Variants in CSMD1 observed in about 807,000 individuals in gnomAD.
The protein encoded by CSMD1 is CUB and sushi domain-containing protein 1.
CSMD1 carries 213 observed loss-of-function variants against 417.5 expected under a neutral mutation model. That is an observed-to-expected ratio of 0.51 (90% CI 0.46 to 0.57). The LOEUF (loss-of-function observed/expected upper bound fraction) is 0.57. Ranked by LOEUF, CSMD1 falls within the 20% of genes least tolerant of loss-of-function variation. The probability of loss-of-function intolerance (pLI) is 0.00; values close to 1 mark genes in which losing one functional copy is unlikely to be tolerated. For missense variants in CSMD1, 6,923 were observed against 4,529.7 expected (o/e 1.53, Z -15.17); for synonymous variants, 2,862 against 1,736.8 (o/e 1.65, Z -16.11).
intron 41 of CSMD1, among the ~76,000 whole-genome samples, chr8:3,132,931 A>T (rs1219478792): frequency 6.6e-6 from 1 of 152,224 alleles, no homozygotes; most frequent in East Asian, 1.9e-4. Flanking sequence ...CTAAGTGGGA[A>T]GACCCTCCTT....
At chr8:3,500,393 A>C (rs1013694255) in intron 10 of CSMD1, among the ~76,000 whole-genome samples, 2 of 152,180 alleles carry the variant, frequency 1.3e-5, no homozygotes, top group Non-Finnish European at 2.9e-5. Context: ...AGAAAAAAAC[A>C]GTATGGAGCT....
chr8:4,514,878 A>G (rs974711235), intron 2 of CSMD1, among the ~76,000 whole-genome samples: 3 of 152,188 alleles, frequency 2.0e-5, no homozygotes, highest in African/African-American at 7.2e-5. Context: ...ATAAACAACC[A>G]CACCAAAAAC....
intron 12 of CSMD1, among the ~76,000 whole-genome samples, chr8:3,460,255 G>C (rs1435478177): frequency 2.0e-5 from 3 of 152,280 alleles, no homozygotes; most frequent in African/African-American, 7.2e-5. Flanking sequence ...ATAGAAGAAT[G>C]ATCCTTGTTG....
At chr8:2,964,725 A>G (rs1391724121) in intron 59 of CSMD1, among the ~76,000 whole-genome samples, 1 of 152,230 alleles carries the variant, frequency 6.6e-6, no homozygotes, top group Non-Finnish European at 1.5e-5. Context: ...CAGTATTAAG[A>G]GTTACAATAC....
intron 1 of CSMD1, among the ~76,000 whole-genome samples, chr8:4,674,374 G>A (rs535534206): frequency 1.3e-5 from 2 of 152,218 alleles, no homozygotes; most frequent in South Asian, 4.1e-4. Context: ...TGCCAGGATA[G>A]GTTGAAAAAA....
At chr8:4,984,264 T>A (rs1021406984) in intron 1 of CSMD1, among the ~76,000 whole-genome samples, 1 of 152,202 alleles carries the variant, frequency 6.6e-6, no homozygotes, top group African/African-American at 2.4e-5. Flanking sequence ...TAGCTTCCAA[T>A]AAGTAGATGA....
chr8:3,841,375 C>G (rs1271576294), intron 5 of CSMD1, among the ~76,000 whole-genome samples: 1 of 152,114 alleles, frequency 6.6e-6, no homozygotes, highest in Non-Finnish European at 1.5e-5. Flanking sequence ...TTATGTGGTT[C>G]TCAACCTCAA....
At chr8:3,372,893 A>G (rs140566850) in intron 18 of CSMD1, among the ~76,000 whole-genome samples, 57 of 152,284 alleles carry the variant, frequency 3.7e-4, no homozygotes, top group African/African-American at 1.2e-3. Flanking sequence ...ATGCCAGCGC[A>G]CCGCGTAGTG....
At chr8:4,525,776 G>A (rs1409783323) in intron 2 of CSMD1, among the ~76,000 whole-genome samples, 2 of 152,178 alleles carry the variant, frequency 1.3e-5, no homozygotes, top group Non-Finnish European at 2.9e-5. Flanking sequence ...TCAATAGCCA[G>A]CATTCCACAC....
chr8:3,936,424 G>A (rs1288629304), intron 5 of CSMD1, among the ~76,000 whole-genome samples: 1 of 152,156 alleles, frequency 6.6e-6, no homozygotes, highest in Non-Finnish European at 1.5e-5. Flanking sequence ...CAGAAGACAG[G>A]CTGACTCTCT....
chr8:4,362,213 C>G lies in CSMD1; in HGVS notation c.415+57740G>C, dbSNP rs114656524. Among the ~76,000 whole-genome samples, 733 of 152,218 alleles carry G rather than the reference C, an allele frequency of 4.8e-3. 7 individuals carry two copies. Among genetic ancestry groups the G allele is most frequent in the African/African-American group, 0.016 (675 of 41,522 alleles). The stretch of plus-strand genomic sequence containing the variant: ...ATTACATCTGTATTTTCCAAAGGAT[C>G]CTGGGAGATTTTAACAAAAGACTTG... On this transcript the variant is annotated intron_variant, in intron 3 of 69. Transcript: ENST00000635120.
intron 1 of CSMD1, among the ~76,000 whole-genome samples, chr8:4,680,354 G>A (rs116289961): frequency 2.6e-5 from 4 of 152,150 alleles, no homozygotes; most frequent in East Asian, 1.9e-4. Flanking sequence ...ATTCAACCTC[G>A]TATCTTTCCC....
chr8:4,589,628 C>T (rs1799886743), intron 2 of CSMD1, among the ~76,000 whole-genome samples: 1 of 152,144 alleles, frequency 6.6e-6, no homozygotes, highest in East Asian at 1.9e-4. Flanking sequence ...GTTCATTCTA[C>T]AATACTATTA....
Position 4,445,809 on chromosome 8 carries a change from G to A in CSMD1, c.303-25744C>T, listed in dbSNP as rs549006028. On this transcript the variant is annotated intron_variant, in intron 2 of 69. Transcript: ENST00000635120. ...AATGTGTCAGAAATAGATGATTAACGAGAATGTTTAAATTGCCTACTTAGT... is the reference window on the plus strand; with the variant it reads ...AATGTGTCAGAAATAGATGATTAACAAGAATGTTTAAATTGCCTACTTAGT... Among the ~76,000 whole-genome samples the A allele has an allele frequency of 5.3e-5, 8 of 152,292 alleles. No individual in the cohort carries two copies. In the East Asian group the frequency reaches 9.7e-4, roughly 18 times the overall value.
chr8:3,454,317 A>C (rs976861512), intron 12 of CSMD1, among the ~76,000 whole-genome samples: 5 of 152,120 alleles, frequency 3.3e-5, no homozygotes, highest in African/African-American at 1.2e-4. Flanking sequence ...TTTACATTTA[A>C]GGTTAATATT....
Position 4,890,518 on chromosome 8 carries a change from G to A in CSMD1, c.85+103814C>T, listed in dbSNP as rs189915168. Among the ~76,000 whole-genome samples the A allele has an allele frequency of 8.6e-5, 13 of 151,666 alleles. No individual in the cohort carries two copies. In the East Asian group the frequency reaches 2.0e-3, roughly 23 times the overall value. On this transcript the variant is annotated intron_variant, in intron 1 of 69. Coordinates refer to ENST00000635120, the MANE Select transcript of CSMD1 (RefSeq NM_033225.6). ...CATGGGTATCCTGGGCAGGACAGGT[G>A]AGAGCGTGACTCTGACACCCTCCTC...
At chr8:4,050,626 G>A (rs1439532288) in intron 3 of CSMD1, among the ~76,000 whole-genome samples, 4 of 151,822 alleles carry the variant, frequency 2.6e-5, no homozygotes, top group Non-Finnish European at 4.4e-5. Context: ...GTCATCCTGC[G>A]GTGCTATCAA....
intron 5 of CSMD1, among the ~76,000 whole-genome samples, chr8:3,779,857 T>C (rs1022920468): frequency 1.8e-4 from 27 of 152,358 alleles, no homozygotes; most frequent in Admixed American, 1.5e-3. Flanking sequence ...TAAGGTGTTC[T>C]TGAATATTTT....
chr8:4,149,085 T>G (rs1448390592), intron 3 of CSMD1, among the ~76,000 whole-genome samples: 2 of 152,000 alleles, frequency 1.3e-5, no homozygotes, highest in Non-Finnish European at 2.9e-5. Flanking sequence ...TGCCTCAGCC[T>G]CCCAAGTAGC....
Sources: gnomAD v4.1 joint callset for allele counts (sites outside exome capture counted in the v4.1 genomes callset) on GRCh38, gnomAD v4.1.1 for gene constraint, MANE v1.5 for transcripts, NCBI Gene and HGNC (gene_info 2026-07-23, HGNC 2026-07-21) for gene names.